Variants in C12orf56 observed in about 807,000 individuals in gnomAD.
C12orf56 encodes the protein chromosome 12 open reading frame 56, also known as uncharacterized protein C12orf56.
In C12orf56, 71 loss-of-function variants were observed where a neutral mutation model predicts 69.9. The observed-to-expected ratio is 1.02, with a 90% confidence interval of 0.84 to 1.24. C12orf56 has a LOEUF of 1.24. Ranked by LOEUF, C12orf56 falls within the 50% of genes most tolerant of loss-of-function variation. C12orf56 has a pLI of 0.00. For synonymous variants in C12orf56, 276 were observed against 274.1 expected (o/e 1.01, Z -0.07); for missense variants, 732 against 738.5 (o/e 0.99, Z 0.10).
At chr12:64,316,522 C>G (rs986342592) in intron 4 of C12orf56, among the ~76,000 whole-genome samples, 2 of 152,136 alleles carry the variant, frequency 1.3e-5, no homozygotes, top group African/African-American at 4.8e-5. Flanking sequence ...GTAACTAGTA[C>G]TATAGGTGCT....
At chr12:64,277,561 T>G in intron 9 of C12orf56, 119 bp downstream of exon 9, 2 of 636,516 alleles carry the variant, frequency 3.1e-6, no homozygotes. Context: ...TGACAAAAGA[T>G]CTACTCTTTG....
At position 64,335,683 on chromosome 12, in the gene C12orf56, G is replaced by C. The variant is rs534660658; in HGVS notation, c.416-4651C>G. On this transcript the variant is annotated intron_variant, in intron 2 of 12. Coordinates refer to ENST00000543942, the MANE Select transcript of C12orf56 (RefSeq NM_001170633.2). ...AATTGTGACCCATGTAAGAACATATGTATACTAAAAAGAAAAGCATCTTTT... is the reference window on the plus strand; with the variant it reads ...AATTGTGACCCATGTAAGAACATATCTATACTAAAAAGAAAAGCATCTTTT... Among the ~76,000 whole-genome samples, 60 of 152,256 alleles carry C rather than the reference G, an allele frequency of 3.9e-4. No homozygotes were observed. In the South Asian group the frequency reaches 7.1e-3, roughly 18 times the overall value.
intron 2 of C12orf56, among the ~76,000 whole-genome samples, chr12:64,335,417 CAAAAA>C (rs59759648): frequency 4.9e-4 from 48 of 98,258 alleles, no homozygotes; most frequent in Admixed American, 1.0e-3. Context: ...ACTTCATCTC[CAAAAA>C]AAAAAAAAAA....
intron 6 of C12orf56, 87 bp downstream of exon 6, chr12:64,303,540 TACAAGACA>T: frequency 9.5e-7 from 1 of 1,049,074 alleles, no homozygotes; most frequent in South Asian, 1.8e-5. Flanking sequence ...AGCATCAGAA[TACAAGACA>T]ACTCTTATTT....
intron 3 of C12orf56, among the ~76,000 whole-genome samples, chr12:64,323,423 T>C (rs1035905718): frequency 1.3e-5 from 2 of 152,230 alleles, no homozygotes; most frequent in African/African-American, 4.8e-5. Context: ...TTTCTAAATA[T>C]ATCTGTTGAA....
intron 1 of C12orf56, among the ~76,000 whole-genome samples, chr12:64,372,136 A>G (rs191138348): frequency 1.4e-4 from 21 of 151,964 alleles, no homozygotes; most frequent in African/African-American, 5.1e-4. Flanking sequence ...TTGTACATTT[A>G]CTTATTTGAT....
chr12:64,275,142 T>C, intron 10 of C12orf56, 156 bp downstream of exon 10: 1 of 768,456 alleles, frequency 1.3e-6, no homozygotes. Flanking sequence ...ATCATTGAAA[T>C]CAACCAGTTT....
At position 64,267,273 on chromosome 12, in the gene C12orf56, C is replaced by T. The variant is rs1162407959; in HGVS notation, c.1779G>A (p.Met593Ile). ...YREEFRYFIHMPALQKRLPLC... is the reference protein window; with the variant it reads ...YREEFRYFIHIPALQKRLPLC... Reference sequence around the variant, plus strand: ...ATGGGAGCCTTTTCTGCAAGGCTGGCATGTGAATAAAGTACCTGCAAATCA... The same window carrying T: ...ATGGGAGCCTTTTCTGCAAGGCTGGTATGTGAATAAAGTACCTGCAAATCA... The change falls in exon 13 of 13, where the codon ATG becomes ATA. Residue 593 changes from methionine to isoleucine, a missense_variant. By Grantham distance (10) the Met-to-Ile change is conservative. Coordinates refer to ENST00000543942, the MANE Select transcript of C12orf56 (RefSeq NM_001170633.2). The T allele has an allele frequency of 6.2e-7, 1 of 1,609,674 alleles. No homozygotes were observed. The highest frequency in any genetic ancestry group is 1.7e-5 in the Admixed American group (1 of 59,330).
chr12:64,355,277 A>C (rs1280828603), intron 1 of C12orf56, among the ~76,000 whole-genome samples: 1 of 152,196 alleles, frequency 6.6e-6, no homozygotes, highest in Non-Finnish European at 1.5e-5. Flanking sequence ...TAGGAAGATG[A>C]ATTAATAAAA....
chr12:64,339,358 C>T (rs11614386), intron 2 of C12orf56, among the ~76,000 whole-genome samples: 40,378 of 151,846 alleles, frequency 0.27, 5,805 homozygotes, highest in Admixed American at 0.37. Flanking sequence ...CAGGAAAGTG[C>T]TTCATTTCCT....
chr12:64,382,203 A>G (rs7978707), intron 1 of C12orf56, among the ~76,000 whole-genome samples: 131,914 of 149,264 alleles, frequency 0.88, 58,741 homozygotes, highest in Middle Eastern at 0.95. Context: ...CGGAGTTTAT[A>G]GTGAGCCGAG....
At chr12:64,325,235 C>T (rs963726753) in intron 3 of C12orf56, among the ~76,000 whole-genome samples, 6 of 151,962 alleles carry the variant, frequency 3.9e-5, no homozygotes, top group Non-Finnish European at 5.9e-5. Context: ...AAAGCAGTAA[C>T]ACCACATTAA....
intron 2 of C12orf56, among the ~76,000 whole-genome samples, chr12:64,345,910 C>T (rs943286896): frequency 9.2e-5 from 14 of 152,254 alleles, no homozygotes; most frequent in African/African-American, 3.1e-4. Context: ...ACTCTCTAAA[C>T]AGTTTATGCC....
At chr12:64,352,099 GT>G (rs55762803) in intron 2 of C12orf56, among the ~76,000 whole-genome samples, 64,327 of 148,676 alleles carry the variant, frequency 0.43, 14,189 homozygotes, top group Admixed American at 0.55. Context: ...TTTTGTTTTT[GT>G]TTTTTTTTTT....
intron 6 of C12orf56, among the ~76,000 whole-genome samples, chr12:64,286,846 G>A (rs1457463909): frequency 6.6e-6 from 1 of 152,122 alleles, no homozygotes; most frequent in Non-Finnish European, 1.5e-5. Context: ...CATGAGAAGA[G>A]GCTGGGAATG....
At chr12:64,351,672 C>T (rs2039223655) in intron 2 of C12orf56, among the ~76,000 whole-genome samples, 1 of 152,018 alleles carries the variant, frequency 6.6e-6, no homozygotes, top group Non-Finnish European at 1.5e-5. Context: ...TGATGTGGTC[C>T]CTGAGACTCA....
chr12:64,369,136 T>C (rs1170299527), intron 1 of C12orf56, among the ~76,000 whole-genome samples: 9 of 138,198 alleles, frequency 6.5e-5, no homozygotes, highest in African/African-American at 2.4e-4. Flanking sequence ...CTGGGCACCA[T>C]AGTGAGATCC....
chr12:64,325,638 T>C (rs898005953), intron 3 of C12orf56, among the ~76,000 whole-genome samples: 1 of 152,278 alleles, frequency 6.6e-6, no homozygotes, highest in Admixed American at 6.5e-5. Context: ...AGTGTGGAAC[T>C]GAAATTGATG....
chr12:64,313,984 C>T (rs900178786), intron 4 of C12orf56, among the ~76,000 whole-genome samples: 17 of 145,128 alleles, frequency 1.2e-4, no homozygotes, highest in African/African-American at 3.9e-4. Flanking sequence ...CAGAGGTTGC[C>T]GTGAGCCAAG....
Sources: allele counts gnomAD v4.1 joint callset (sites outside exome capture counted in the v4.1 genomes callset), GRCh38; gene constraint gnomAD v4.1.1; transcripts MANE v1.5; gene names NCBI Gene and HGNC (gene_info 2026-07-23, HGNC 2026-07-21).